Variants in ARL15 observed in about 807,000 individuals in gnomAD.
The protein encoded by ARL15 is ARF like GTPase 15, also known as ADP-ribosylation factor-like protein 15.
ARL15 carries 19 observed loss-of-function variants against 25.2 expected under a neutral mutation model. The ratio of observed to expected loss-of-function variants is 0.75; its 90% CI spans 0.53 to 1.10. The LOEUF is 1.10. ARL15 is among the 50% of genes least tolerant of loss of function. ARL15 has a pLI of 0.00. For missense variants in ARL15, 220 were observed against 246.0 expected, an observed-to-expected ratio of 0.89 and a Z score of 0.71; for synonymous variants, 94 against 86.8, an observed-to-expected ratio of 1.08 and a Z score of -0.46.
At chr5:54,021,178 A>T (rs1034944709) in intron 4 of ARL15, among the ~76,000 whole-genome samples, 4 of 152,012 alleles carry the variant, frequency 2.6e-5, no homozygotes, top group Non-Finnish European at 5.9e-5. Context: ...TCTACTAAAA[A>T]TACAAAATTA....
chr5:54,127,820 G>GAT (rs1199969455), intron 3 of ARL15, among the ~76,000 whole-genome samples: 1 of 148,936 alleles, frequency 6.7e-6, no homozygotes, highest in African/African-American at 2.5e-5. Context: ...CCAAAACAGA[G>GAT]ATATAGATCA....
intron 4 of ARL15, among the ~76,000 whole-genome samples, chr5:54,009,143 C>A (rs1470247304): frequency 6.6e-6 from 1 of 152,150 alleles, no homozygotes; most frequent in East Asian, 1.9e-4. Context: ...TGCCTTAATT[C>A]CCACTGATCT....
chr5:54,157,734 A>T (rs1754283644), intron 2 of ARL15, among the ~76,000 whole-genome samples: 1 of 152,176 alleles, frequency 6.6e-6, no homozygotes, highest in African/African-American at 2.4e-5. Flanking sequence ...ATTTATAGGC[A>T]TATAAATGTC....
At chr5:54,031,757 C>T (rs983752419) in intron 4 of ARL15, among the ~76,000 whole-genome samples, 1 of 152,070 alleles carries the variant, frequency 6.6e-6, no homozygotes, top group Non-Finnish European at 1.5e-5. Context: ...TCACCCGAGA[C>T]TTCGCAAAAT....
intron 4 of ARL15, among the ~76,000 whole-genome samples, chr5:54,026,423 C>T (rs944579113): frequency 6.6e-6 from 1 of 152,042 alleles, no homozygotes; most frequent in African/African-American, 2.4e-5. Context: ...GTGTGCACCA[C>T]AATGCCCGGC....
chr5:53,985,810 T>C (rs1748279574), intron 4 of ARL15, among the ~76,000 whole-genome samples: 2 of 152,194 alleles, frequency 1.3e-5, no homozygotes, highest in South Asian at 4.1e-4. Flanking sequence ...TATGGTATTT[T>C]CAAATACACA....
intron 1 of ARL15, among the ~76,000 whole-genome samples, chr5:54,269,967 G>A (rs1294347149): frequency 6.6e-6 from 1 of 152,150 alleles, no homozygotes; most frequent in Non-Finnish European, 1.5e-5. Context: ...TTTATCACTA[G>A]GATGAGATAC....
intron 4 of ARL15, among the ~76,000 whole-genome samples, chr5:53,975,590 G>A (rs702634): frequency 0.72 from 109,783 of 152,188 alleles, 39,848 homozygotes; most frequent in East Asian, 0.86. Context: ...ATACTTGCTG[G>A]CTTTATTTGA....
intron 1 of ARL15, among the ~76,000 whole-genome samples, chr5:54,179,065 T>C (rs1352138191): frequency 3.3e-5 from 5 of 152,124 alleles, no homozygotes; most frequent in African/African-American, 4.8e-5. Context: ...CTCAAAGAAG[T>C]TAAGTAACTT....
At position 53,910,633 on chromosome 5, in the gene ARL15, TTATATATATATA is replaced by T. The variant is rs70986649; in HGVS notation, c.463-23932_463-23921del. Among the ~76,000 whole-genome samples the T allele has an allele frequency of 2.4e-3, 131 of 55,000 alleles. 3 individuals are homozygous for T. In the South Asian group the frequency reaches 0.063, roughly 26 times the overall value. The allele number at this position is 55,000 out of a possible 152,430, so 36.1% of individuals were successfully genotyped here. A position where few individuals can be genotyped will look rare whatever the true frequency, so the allele number is the denominator to read the frequency against. On this transcript the variant is annotated intron_variant, in intron 4 of 4. Transcript: ENST00000504924. ...GAACTTAAAGTATAATAAAAAAAAA[TTATATATATATA>T]TATATATATATATATATATATATAT...
chr5:54,151,844 GA>G (rs1486210035), intron 3 of ARL15, among the ~76,000 whole-genome samples: 2 of 152,042 alleles, frequency 1.3e-5, no homozygotes, highest in East Asian at 3.9e-4. Flanking sequence ...CTATTTTGAA[GA>G]AGTGAGAATT....
At chr5:54,111,104 A>C (rs560381257) in intron 4 of ARL15, among the ~76,000 whole-genome samples, 28 of 152,212 alleles carry the variant, frequency 1.8e-4, no homozygotes, top group African/African-American at 6.5e-4. Context: ...TAAAGTGTAG[A>C]CATGCACCTG....
intron 1 of ARL15, among the ~76,000 whole-genome samples, chr5:54,173,741 C>T (rs770240823): frequency 7.9e-5 from 12 of 152,094 alleles, no homozygotes; most frequent in Admixed American, 1.3e-4. Flanking sequence ...TCTGACCATA[C>T]GTGCTTAAGC....
At chr5:54,122,735 A>G (rs936239540) in intron 3 of ARL15, among the ~76,000 whole-genome samples, 6 of 152,232 alleles carry the variant, frequency 3.9e-5, no homozygotes, top group African/African-American at 1.4e-4. Context: ...TGAATACAAG[A>G]AAAGCAAACA....
chr5:53,958,004 G>T (rs1747221316), intron 4 of ARL15, among the ~76,000 whole-genome samples: 1 of 151,944 alleles, frequency 6.6e-6, no homozygotes, highest in Admixed American at 6.6e-5. Context: ...GAGGTCAGGG[G>T]TTCAAGACCA....
chr5:53,981,001 T>TA (rs1275980107), intron 4 of ARL15, among the ~76,000 whole-genome samples: 1 of 151,828 alleles, frequency 6.6e-6, no homozygotes, highest in East Asian at 1.9e-4. Flanking sequence ...AGCAACACAA[T>TA]AAAAAAACTG....
At chr5:54,002,997 G>A (rs1748895303) in intron 4 of ARL15, among the ~76,000 whole-genome samples, 1 of 152,278 alleles carries the variant, frequency 6.6e-6, no homozygotes, top group African/African-American at 2.4e-5. Context: ...GAGCAAAAAC[G>A]ATTGGCCATT....
intron 3 of ARL15, among the ~76,000 whole-genome samples, chr5:54,143,160 T>C (rs907027585): frequency 3.3e-5 from 5 of 152,104 alleles, no homozygotes; most frequent in Non-Finnish European, 7.4e-5. Context: ...CTTTATATAT[T>C]TTTATTTATT....
At chr5:54,269,087 G>A (rs1418326330) in intron 1 of ARL15, among the ~76,000 whole-genome samples, 1 of 151,800 alleles carries the variant, frequency 6.6e-6, no homozygotes, top group African/African-American at 2.4e-5. Context: ...AGGGGTGGGG[G>A]GTAGGGATAG....
Sources: gnomAD v4.1 joint callset for allele counts (sites outside exome capture counted in the v4.1 genomes callset) on GRCh38, gnomAD v4.1.1 for gene constraint, MANE v1.5 for transcripts, NCBI Gene and HGNC (gene_info 2026-07-23, HGNC 2026-07-21) for gene names.